Variants in TAFA1 observed in about 807,000 individuals in gnomAD.
TAFA1 encodes the protein TAFA chemokine like family member 1.
Under a neutral mutation model 18.5 loss-of-function variants are expected in TAFA1, and 4 were observed. The ratio of observed to expected loss-of-function variants is 0.22; its 90% confidence interval spans 0.11 to 0.49. The LOEUF (loss-of-function observed/expected upper bound fraction) is 0.49. TAFA1 is among the 20% of genes least tolerant of loss of function. The pLI is 0.98. For synonymous variants in TAFA1, 56 were observed against 55.2 expected, an observed-to-expected ratio of 1.01 and a Z score of -0.06; for missense variants, 147 against 169.0, an observed-to-expected ratio of 0.87 and a Z score of 0.72.
chr3:68,122,095 A>G (rs73834833), intron 2 of TAFA1, among the ~76,000 whole-genome samples: 3,475 of 152,246 alleles, frequency 0.023, 48 homozygotes, highest in Middle Eastern at 0.041. Flanking sequence ...AAACAAATGG[A>G]GGTCTGAATC....
At chr3:68,173,421 T>C (rs1011891897) in intron 2 of TAFA1, among the ~76,000 whole-genome samples, 7 of 152,182 alleles carry the variant, frequency 4.6e-5, no homozygotes, top group African/African-American at 1.7e-4. Flanking sequence ...CTCAAGTATT[T>C]GCAAAGTGGC....
rs185478450 is a variant in TAFA1, at chr3:68,420,297, G to A, written c.259+2877G>A. Among the ~76,000 whole-genome samples, 239 of 152,266 alleles carry A rather than the reference G, an allele frequency of 1.6e-3. 1 individual carries two copies. The highest frequency in any genetic ancestry group is 2.0e-3 in the Non-Finnish European group (137 of 68,016). On this transcript the variant is annotated intron_variant, in intron 3 of 4. Transcript: ENST00000478136. ...TTTTTTAGAGACAGGATCTTGCTCT[G>A]TCACCCAGGTGGTGTGCCATGGCAC...
chr3:68,402,011 G>T (rs779332849), intron 2 of TAFA1, among the ~76,000 whole-genome samples: 1 of 152,166 alleles, frequency 6.6e-6, no homozygotes, highest in Non-Finnish European at 1.5e-5. Context: ...TATTTTAAAA[G>T]TGTTTCTTAT....
At chr3:68,178,396 A>G (rs560975991) in intron 2 of TAFA1, among the ~76,000 whole-genome samples, 19 of 152,308 alleles carry the variant, frequency 1.2e-4, no homozygotes, top group African/African-American at 4.6e-4. Flanking sequence ...AGTGGAAGGA[A>G]CAGACCAAAA....
At chr3:68,076,422 G>C (rs1437052999) in intron 2 of TAFA1, among the ~76,000 whole-genome samples, 2 of 150,710 alleles carry the variant, frequency 1.3e-5, no homozygotes, top group Non-Finnish European at 3.0e-5. Context: ...TCATCATCTA[G>C]CATTAGGTAT....
intron 2 of TAFA1, among the ~76,000 whole-genome samples, chr3:68,256,138 A>T (rs2067293902): frequency 6.6e-6 from 1 of 152,112 alleles, no homozygotes; most frequent in South Asian, 2.1e-4. Context: ...AGGCATTATA[A>T]CATTCCTTTT....
intron 2 of TAFA1, among the ~76,000 whole-genome samples, chr3:68,162,427 C>T (rs768474903): frequency 7.2e-5 from 11 of 152,128 alleles, no homozygotes; most frequent in South Asian, 2.1e-4. Flanking sequence ...ATGTAATGCG[C>T]GGCTGATCTG....
At chr3:68,317,225 C>T (rs538546041) in intron 2 of TAFA1, among the ~76,000 whole-genome samples, 4 of 152,198 alleles carry the variant, frequency 2.6e-5, no homozygotes, top group South Asian at 2.1e-4. Context: ...CCTGCCTTTC[C>T]GAAGATTTTA....
chr3:68,100,580 C>T (rs2065136194), intron 2 of TAFA1, among the ~76,000 whole-genome samples: 1 of 152,144 alleles, frequency 6.6e-6, no homozygotes, highest in Admixed American at 6.5e-5. Context: ...TGTTTAGACT[C>T]CACTCAGCTC....
chr3:68,186,183 G>T (rs2106999515), intron 2 of TAFA1, among the ~76,000 whole-genome samples: 1 of 152,130 alleles, frequency 6.6e-6, no homozygotes, highest in Admixed American at 6.6e-5. Flanking sequence ...CATCTTGAGG[G>T]TCTTTTATAA....
intron 3 of TAFA1, among the ~76,000 whole-genome samples, chr3:68,445,161 G>C (rs2071453910): frequency 6.6e-6 from 1 of 152,004 alleles, no homozygotes; most frequent in African/African-American, 2.4e-5. Flanking sequence ...TTTGCATTTT[G>C]AGCATTTTAT....
At chr3:68,057,223 T>A (rs965958507) in intron 2 of TAFA1, among the ~76,000 whole-genome samples, 6 of 152,210 alleles carry the variant, frequency 3.9e-5, no homozygotes, top group African/African-American at 1.4e-4. Flanking sequence ...ATAATTCAAA[T>A]GCTGTCTAAT....
intron 2 of TAFA1, among the ~76,000 whole-genome samples, chr3:68,332,351 T>A (rs1343164903): frequency 6.6e-6 from 1 of 152,104 alleles, no homozygotes; most frequent in East Asian, 1.9e-4. Flanking sequence ...CGGCATTTGT[T>A]TTGACAATAA....
At chr3:68,003,287 T>C (rs113074196), upstream of TAFA1, among the ~76,000 whole-genome samples, 4,313 of 152,324 alleles carry the variant, frequency 0.028, 195 homozygotes, top group African/African-American at 0.097. Flanking sequence ...TGCAGCAGCA[T>C]TGGACCTTCT....
intron 2 of TAFA1, among the ~76,000 whole-genome samples, chr3:68,393,979 C>G (rs900708449): frequency 1.4e-4 from 21 of 152,312 alleles, no homozygotes; most frequent in African/African-American, 4.3e-4. Flanking sequence ...TCTCTCACCA[C>G]TCCTATTCAA....
chr3:68,274,475 G>A (rs2067751249), intron 2 of TAFA1, among the ~76,000 whole-genome samples: 1 of 152,156 alleles, frequency 6.6e-6, no homozygotes, highest in South Asian at 2.1e-4. Context: ...AACACTGCTG[G>A]CAGATCAATG....
At chr3:68,522,647 G>A (rs555318955) in intron 3 of TAFA1, among the ~76,000 whole-genome samples, 7 of 151,960 alleles carry the variant, frequency 4.6e-5, no homozygotes, top group Admixed American at 2.6e-4. Context: ...CCAGGAGTTC[G>A]AGACCAGCCT....
intron 2 of TAFA1, among the ~76,000 whole-genome samples, chr3:68,276,397 C>A (rs2067798841): frequency 6.6e-6 from 1 of 152,128 alleles, no homozygotes; most frequent in Non-Finnish European, 1.5e-5. Context: ...AAAATGTCTG[C>A]AGACATTGCC....
At chr3:68,253,665 T>C (rs2067239435) in intron 2 of TAFA1, among the ~76,000 whole-genome samples, 1 of 152,230 alleles carries the variant, frequency 6.6e-6, no homozygotes, top group Non-Finnish European at 1.5e-5. Context: ...TGGCAGGTAG[T>C]TGGCAGCAAT....
Sources: gnomAD v4.1 joint callset for allele counts (sites outside exome capture counted in the v4.1 genomes callset) on GRCh38, gnomAD v4.1.1 for gene constraint, MANE v1.5 for transcripts, NCBI Gene and HGNC (gene_info 2026-07-23, HGNC 2026-07-21) for gene names.